The following TENT5D variants were observed in gnomAD, a reference collection of about 807,000 sequenced individuals.
The protein encoded by TENT5D is terminal nucleotidyltransferase 5D.
For missense variants in TENT5D, 191 were observed against 287.0 expected (o/e 0.67, Z 2.42); for synonymous variants, 103 against 100.6 (o/e 1.02, Z -0.15).
chrX:80,380,058 C>G (rs1464691170), intron 3 of TENT5D, among the ~76,000 whole-genome samples: 2 of 107,080 alleles, frequency 1.9e-5, no homozygotes, highest in East Asian at 6.0e-4. Flanking sequence ...GTTAGGGTGT[C>G]AATTTTAGAT....
chrX:80,380,667 G>A (rs1463710945), intron 3 of TENT5D, among the ~76,000 whole-genome samples: 1 of 111,626 alleles, frequency 9.0e-6, no homozygotes, highest in Non-Finnish European at 1.9e-5. Flanking sequence ...ATATATTTAG[G>A]ACAGTTAGCT....
upstream of TENT5D, among the ~76,000 whole-genome samples, chrX:80,419,580 T>C (rs1931844118): frequency 1.8e-5 from 2 of 112,778 alleles, no homozygotes; most frequent in Non-Finnish European, 3.7e-5. Context: ...CAAACAGTTA[T>C]GTGATAGTTT....
At chrX:80,397,822 G>A (rs1204350891) in intron 3 of TENT5D, among the ~76,000 whole-genome samples, 5 of 111,956 alleles carry the variant, frequency 4.5e-5, no homozygotes, top group South Asian at 3.8e-4. Flanking sequence ...GCAGGCACTC[G>A]GCAGGCTGAG....
At chrX:80,432,432 G>A (rs984207066) in intron 1 of TENT5D, among the ~76,000 whole-genome samples, 1 of 111,529 alleles carries the variant, frequency 9.0e-6, no homozygotes, top group African/African-American at 3.3e-5. Context: ...GTTCTCTCCA[G>A]CAAGCCTTTC....
intron 3 of TENT5D, among the ~76,000 whole-genome samples, chrX:80,400,900 A>G (rs758340302): frequency 3.6e-5 from 4 of 111,122 alleles, no homozygotes; most frequent in Admixed American, 1.9e-4. Context: ...TTTGGGTTTT[A>G]TGTTTTGGTG....
At chrX:80,415,720 A>G (rs761441167), upstream of TENT5D, among the ~76,000 whole-genome samples, 16 of 111,669 alleles carry the variant, frequency 1.4e-4, no homozygotes, top group African/African-American at 5.2e-4. Context: ...GGATTTTTGC[A>G]TCCATGTTTA....
chrX:80,365,315 A>G (rs1930485724), intron 3 of TENT5D, among the ~76,000 whole-genome samples: 1 of 111,246 alleles, frequency 9.0e-6, no homozygotes, highest in Non-Finnish European at 1.9e-5. Context: ...ATTTTTAATG[A>G]TATAGTTAGT....
At chrX:80,435,616 G>T (rs1932169075) in intron 1 of TENT5D, among the ~76,000 whole-genome samples, 1 of 112,161 alleles carries the variant, frequency 8.9e-6, no homozygotes, top group African/African-American at 3.2e-5. Context: ...TATCTATTTT[G>T]AACAGATTAT....
rs975390486 is a variant in TENT5D at position 80,364,697 on chromosome X, A to G, written c.-142+22133A>G. Among the ~76,000 whole-genome samples the G allele has an allele frequency of 6.4e-5, 7 of 109,569 alleles. No individual in the cohort carries two copies. In the South Asian group the frequency reaches 1.1e-3, roughly 18 times the overall value. On this transcript the variant is annotated intron_variant, in intron 3 of 4. Transcript: ENST00000538312. ...ACTTTGAAGTCTTGACTTAAAATGT[A>G]TATCTATATATAATATGTAGATATA...
chrX:80,431,531 G>A (rs998777321), intron 1 of TENT5D, among the ~76,000 whole-genome samples: 1 of 112,242 alleles, frequency 8.9e-6, no homozygotes, highest in Non-Finnish European at 1.9e-5. Flanking sequence ...TCATGCTGCT[G>A]TTAAAGACAT....
upstream of TENT5D, among the ~76,000 whole-genome samples, chrX:80,416,718 T>G (rs1040629876): frequency 9.0e-6 from 1 of 110,872 alleles, no homozygotes; most frequent in African/African-American, 3.3e-5. Flanking sequence ...GATTGTTTTT[T>G]GGCTGATTGT....
intron 1 of TENT5D, among the ~76,000 whole-genome samples, chrX:80,425,137 TGCAA>T (rs1022266585): frequency 1.8e-5 from 2 of 112,700 alleles, no homozygotes; most frequent in Admixed American, 9.4e-5. Context: ...ATTGTCCTGT[TGCAA>T]AAGAAAATGC....
intron 3 of TENT5D, among the ~76,000 whole-genome samples, chrX:80,361,618 T>A (rs1930406920): frequency 8.9e-6 from 1 of 111,739 alleles, no homozygotes; most frequent in Non-Finnish European, 1.9e-5. Flanking sequence ...CATGTTGAAA[T>A]TTTTTGATGA....
At chrX:80,443,214 C>T (rs372634428) in exon 3 of TENT5D, 2 of 1,211,002 alleles carry the variant, frequency 1.7e-6, no homozygotes, top group Non-Finnish European at 1.1e-6. Flanking sequence ...TCATATGTAC[C>T]AGGAAACCTG....
At chrX:80,402,150 T>G (rs930657274) in intron 3 of TENT5D, among the ~76,000 whole-genome samples, 2 of 111,550 alleles carry the variant, frequency 1.8e-5, no homozygotes, top group Non-Finnish European at 1.9e-5. Context: ...GTCTAGAAAT[T>G]TATCTGTTTT....
chrX:80,377,411 G>A (rs1930753410), intron 3 of TENT5D, among the ~76,000 whole-genome samples: 1 of 110,875 alleles, frequency 9.0e-6, no homozygotes, highest in Non-Finnish European at 1.9e-5. Context: ...ACAGGCCCCA[G>A]TGTGTGATGT....
intron 3 of TENT5D, among the ~76,000 whole-genome samples, chrX:80,347,523 G>T (rs755567772): frequency 3.7e-4 from 41 of 111,644 alleles, no homozygotes; most frequent in Middle Eastern, 4.6e-3. Context: ...GGGTTGTTTG[G>T]TTTTTTTCCT....
chrX:80,429,291 T>TTTG (rs1047479169), intron 1 of TENT5D, among the ~76,000 whole-genome samples: 3 of 110,809 alleles, frequency 2.7e-5, no homozygotes, highest in East Asian at 2.8e-4. Flanking sequence ...ACTCTGGATT[T>TTTG]TTGTTGTTGT....
chrX:80,417,697 C>T (rs1931804775), upstream of TENT5D, among the ~76,000 whole-genome samples: 2 of 111,141 alleles, frequency 1.8e-5, no homozygotes, highest in South Asian at 7.6e-4. Context: ...AATGGAGTTC[C>T]CTTTGTAGGT....
Sources: allele counts gnomAD v4.1 joint callset (sites outside exome capture counted in the v4.1 genomes callset), GRCh38; gene constraint gnomAD v4.1.1; transcripts MANE v1.5; gene names NCBI Gene and HGNC (gene_info 2026-07-23, HGNC 2026-07-21).